Variants in PTPN2 observed in about 807,000 individuals in gnomAD.
The protein encoded by PTPN2 is tyrosine-protein phosphatase non-receptor type 2.
In PTPN2, 19 loss-of-function variants were observed where a neutral mutation model predicts 57.3. That is an observed-to-expected ratio of 0.33 (90% CI 0.23 to 0.49). The LOEUF is 0.49. PTPN2 is among the 20% of genes least tolerant of loss of function. The pLI is 0.99. For synonymous variants in PTPN2, 153 were observed against 164.9 expected (o/e 0.93, Z 0.55); for missense variants, 358 against 501.1 (o/e 0.71, Z 2.73).
chr18:12,818,299 A>G (rs2042147447), intron 5 of PTPN2, among the ~76,000 whole-genome samples: 1 of 152,222 alleles, frequency 6.6e-6, no homozygotes, highest in Non-Finnish European at 1.5e-5. Context: ...CTCAAGAATT[A>G]ATCTAAAGAA....
At chr18:12,872,624 A>G (rs948833920) in intron 1 of PTPN2, among the ~76,000 whole-genome samples, 4 of 152,174 alleles carry the variant, frequency 2.6e-5, no homozygotes, top group Non-Finnish European at 4.4e-5. Flanking sequence ...TTCTTATCCT[A>G]GGGATCACCA....
chr18:12,879,584 G>A (rs904405453), intron 1 of PTPN2, among the ~76,000 whole-genome samples: 1 of 152,176 alleles, frequency 6.6e-6, no homozygotes, highest in Non-Finnish European at 1.5e-5. Flanking sequence ...TATAAACTCA[G>A]ATTAACAGAG....
rs371332880 is a variant in PTPN2 at position 12,840,670 on chromosome 18, G to T, written c.161-3779C>A. The T allele has an allele frequency of 6.3e-6, 10 of 1,586,950 alleles. No homozygotes were observed. In the African/African-American group the frequency reaches 1.3e-4, roughly 21 times the overall value. On this transcript the variant is annotated intron_variant, in intron 2 of 8. Coordinates refer to ENST00000309660, the MANE Select transcript of PTPN2 (RefSeq NM_002828.4). ...AAGTCATCACAAGTGTAACACACTA[G>T]AGCACAAAAATGAAACCTAGATTTG... is the stretch of plus-strand genomic sequence containing the variant.
Position 12,803,114 on chromosome 18 carries a change from G to A in PTPN2, c.859-963C>T, listed in dbSNP as rs149219135. 6.6e-5 allele frequency among the ~76,000 whole-genome samples: 10 copies of A among 152,250 alleles called. No homozygotes were observed. In the East Asian group the frequency reaches 1.9e-3, roughly 29 times the overall value. On this transcript the variant is annotated intron_variant, in intron 7 of 8. Coordinates refer to ENST00000309660, the MANE Select transcript of PTPN2 (RefSeq NM_002828.4). ...AAGCAACAAAATTATAAGTTGTGGG[G>A]GGAGGGTAAAAGCCAAAAATATTTT...
intron 2 of PTPN2, among the ~76,000 whole-genome samples, chr18:12,858,678 C>G (rs576603082): frequency 5.7e-4 from 86 of 152,084 alleles, no homozygotes; most frequent in Admixed American, 1.2e-3. Flanking sequence ...GAATATAAAC[C>G]CAAGTTATTA....
intron 7 of PTPN2, among the ~76,000 whole-genome samples, chr18:12,807,586 A>AAAAAAAAAAAAAAAATATATATATAT: frequency 2.8e-5 from 1 of 35,198 alleles, no homozygotes; most frequent in African/African-American, 7.0e-5. Flanking sequence ...AAAAAAAAAA[A>AAAAAAAAAAAAAAAATATATATATAT]ATATATATAT....
chr18:12,839,051 A>C (rs1039040909), intron 2 of PTPN2, among the ~76,000 whole-genome samples: 1 of 152,072 alleles, frequency 6.6e-6, no homozygotes, highest in Non-Finnish European at 1.5e-5. Context: ...TCGAAGAGGC[A>C]GTAGAGAAAA....
chr18:12,826,985 C>T (rs918158066), intron 4 of PTPN2, among the ~76,000 whole-genome samples: 9 of 152,164 alleles, frequency 5.9e-5, no homozygotes, highest in African/African-American at 1.9e-4. Context: ...TATATTTTAA[C>T]GTCATGGGAC....
At chr18:12,869,328 C>T (rs1176925332) in intron 1 of PTPN2, among the ~76,000 whole-genome samples, 1 of 152,164 alleles carries the variant, frequency 6.6e-6, no homozygotes, top group Non-Finnish European at 1.5e-5. Context: ...AGGCACACCA[C>T]CATGCCTGGC....
chr18:12,819,018 C>T (rs550301421), intron 5 of PTPN2: 49 of 285,516 alleles, frequency 1.7e-4, no homozygotes, highest in African/African-American at 1.8e-4. Context: ...CGCTTGAACC[C>T]GGGAGGCGGA....
downstream of PTPN2, chr18:12,788,016 T>TA (rs1446306375): frequency 1.3e-5 from 2 of 154,838 alleles, no homozygotes; most frequent in Non-Finnish European, 2.9e-5. Context: ...GAATTGAGGC[T>TA]AATCAGAAAC....
chr18:12,883,049 T>C (rs1038932115), intron 1 of PTPN2, among the ~76,000 whole-genome samples: 1 of 152,240 alleles, frequency 6.6e-6, no homozygotes, highest in African/African-American at 2.4e-5. Flanking sequence ...CAGGTGTTTA[T>C]ACTACATATT....
chr18:12,874,790 C>A (rs1037625091), intron 1 of PTPN2, among the ~76,000 whole-genome samples: 3 of 152,200 alleles, frequency 2.0e-5, no homozygotes, highest in African/African-American at 7.2e-5. Flanking sequence ...CCGGCCACCA[C>A]CCTGTCTGGG....
intron 2 of PTPN2, among the ~76,000 whole-genome samples, chr18:12,853,939 A>C (rs1034244200): frequency 1.3e-5 from 2 of 152,222 alleles, no homozygotes; most frequent in African/African-American, 4.8e-5. Flanking sequence ...AGATACCATG[A>C]AAATGGACTG....
chr18:12,850,833 G>A (rs909903913), intron 2 of PTPN2, among the ~76,000 whole-genome samples: 1 of 151,814 alleles, frequency 6.6e-6, no homozygotes, highest in African/African-American at 2.4e-5. Flanking sequence ...TCTGCCTCCC[G>A]GATTCAAGCA....
At chr18:12,865,115 A>G (rs1194016399) in intron 1 of PTPN2, among the ~76,000 whole-genome samples, 1 of 152,204 alleles carries the variant, frequency 6.6e-6, no homozygotes, top group Non-Finnish European at 1.5e-5. Flanking sequence ...AGACATTCAT[A>G]GAATCCTCAA....
At chr18:12,851,017 G>A (rs1446366401) in intron 2 of PTPN2, among the ~76,000 whole-genome samples, 1 of 152,146 alleles carries the variant, frequency 6.6e-6, no homozygotes, top group Non-Finnish European at 1.5e-5. Flanking sequence ...TGGGATTACA[G>A]GCGTGAGCCA....
At chr18:12,796,979 T>C (rs191933081) in intron 8 of PTPN2, among the ~76,000 whole-genome samples, 1 of 152,326 alleles carries the variant, frequency 6.6e-6, no homozygotes, top group Non-Finnish European at 1.5e-5. Context: ...TTCTCATGTC[T>C]TTTTCACTTT....
intron 1 of PTPN2, 181 bp downstream of exon 1, chr18:12,883,892 A>G (rs1220659338): frequency 4.2e-6 from 2 of 471,426 alleles, no homozygotes; most frequent in East Asian, 7.2e-5. Context: ...TTTTTTTTAA[A>G]CCAAAAGGAG....
Sources: allele counts gnomAD v4.1 joint callset (sites outside exome capture counted in the v4.1 genomes callset), GRCh38; gene constraint gnomAD v4.1.1; transcripts MANE v1.5; gene names NCBI Gene and HGNC (gene_info 2026-07-23, HGNC 2026-07-21).